RNF150: variants seen among roughly 807,000 people sequenced by gnomAD.
RNF150 encodes ring finger protein 150.
Under a neutral mutation model 39.3 loss-of-function variants are expected in RNF150, and 24 were observed. The observed-to-expected ratio is 0.61, with a 90% CI of 0.44 to 0.86. RNF150 has a LOEUF of 0.86. Ranked by LOEUF, RNF150 falls within the 40% of genes least tolerant of loss-of-function variation. The pLI, the probability that RNF150 is intolerant of heterozygous loss-of-function variation, is 0.00. For missense variants in RNF150, 502 were observed against 587.8 expected (o/e 0.85, Z 1.51); for synonymous variants, 255 against 227.3 (o/e 1.12, Z -1.10).
chr4:140,919,687 C>G (rs72615905), intron 5 of RNF150, among the ~76,000 whole-genome samples: 1 of 150,558 alleles, frequency 6.6e-6, no homozygotes, highest in Non-Finnish European at 1.5e-5. Context: ...AAAAAACTAC[C>G]TTAAAGTTCA....
At chr4:140,875,112 C>CA (rs1729102297) in intron 6 of RNF150, among the ~76,000 whole-genome samples, 1 of 150,704 alleles carries the variant, frequency 6.6e-6, no homozygotes, top group East Asian at 2.0e-4. Context: ...AAACAGAATT[C>CA]AAATCCTGGT....
In RNF150 at chr4:140,862,470, C is replaced by T. The variant is rs1728529121; in HGVS notation, c.*5791G>A. ...AACAAGCAGGATTGCAATCAAATTG[C>T]TCGATATTAAGGGGCCACGTCTAGC... On this transcript the variant is annotated 3_prime_UTR_variant, in exon 7 of 7. Coordinates refer to ENST00000515673, the MANE Select transcript of RNF150 (RefSeq NM_020724.2). The T allele has an allele frequency of 6.6e-6, 1 of 152,140 alleles. No homozygotes were observed. Among genetic ancestry groups the T allele is most frequent in the South Asian group, 2.1e-4 (1 of 4,810 alleles). The allele number at this position is 152,140 out of a possible 1,614,324, so 9.4% of individuals were successfully genotyped here. A position where few individuals can be genotyped will look rare whatever the true frequency, so the allele number is the denominator to read the frequency against.
At chr4:141,090,253 T>G (rs914338333) in intron 1 of RNF150, among the ~76,000 whole-genome samples, 1 of 152,218 alleles carries the variant, frequency 6.6e-6, no homozygotes, top group African/African-American at 2.4e-5. Context: ...TAAAATTCTA[T>G]GCTTCATTTT....
intron 1 of RNF150, among the ~76,000 whole-genome samples, chr4:141,167,884 C>G (rs1446757521): frequency 6.6e-6 from 1 of 152,102 alleles, no homozygotes; most frequent in Non-Finnish European, 1.5e-5. Context: ...TAGGCATGGG[C>G]AAAGACTTCA....
At chr4:141,109,425 T>C (rs1238922785) in intron 1 of RNF150, among the ~76,000 whole-genome samples, 1 of 151,798 alleles carries the variant, frequency 6.6e-6, no homozygotes, top group Non-Finnish European at 1.5e-5. Flanking sequence ...TCATTTTAAG[T>C]ATAATGGGCA....
chr4:141,099,608 C>A (rs1343507013), intron 1 of RNF150, among the ~76,000 whole-genome samples: 2 of 152,034 alleles, frequency 1.3e-5, no homozygotes, highest in East Asian at 3.9e-4. Flanking sequence ...GAAAGTTTCT[C>A]CTGCTGAGAA....
At chr4:141,211,909 G>C (rs947874424) in intron 1 of RNF150, among the ~76,000 whole-genome samples, 7 of 151,962 alleles carry the variant, frequency 4.6e-5, no homozygotes, top group Non-Finnish European at 1.0e-4. Flanking sequence ...CTAAAGTGAA[G>C]GAAAGAATTT....
intron 1 of RNF150, among the ~76,000 whole-genome samples, chr4:141,119,650 C>T (rs1726547755): frequency 6.6e-6 from 1 of 152,214 alleles, no homozygotes; most frequent in Admixed American, 6.5e-5. Flanking sequence ...TTTAGAAACA[C>T]TGGCGTGATA....
chr4:141,082,001 C>T (rs1738167055), intron 1 of RNF150, among the ~76,000 whole-genome samples: 1 of 152,236 alleles, frequency 6.6e-6, no homozygotes, highest in South Asian at 2.1e-4. Context: ...AGTATAATTA[C>T]GTGTTTGTAT....
chr4:140,952,966 G>C (rs1401899121), intron 2 of RNF150, among the ~76,000 whole-genome samples: 16 of 152,182 alleles, frequency 1.1e-4, no homozygotes, highest in Non-Finnish European at 4.4e-5. Context: ...AGGCTCTATG[G>C]TATAGCCTAT....
intron 1 of RNF150, among the ~76,000 whole-genome samples, chr4:141,062,222 T>C (rs28548634): frequency 0.27 from 40,638 of 152,030 alleles, 5,824 homozygotes; most frequent in South Asian, 0.52. Flanking sequence ...ATGCATGAAA[T>C]TATTACTCTT....
intron 1 of RNF150, among the ~76,000 whole-genome samples, chr4:141,085,741 C>T (rs1738339398): frequency 6.6e-6 from 1 of 152,120 alleles, no homozygotes. Context: ...GAACAGACAC[C>T]TATGGTGAGA....
At chr4:141,212,012 G>A (rs757064248) in intron 1 of RNF150, among the ~76,000 whole-genome samples, 7 of 152,104 alleles carry the variant, frequency 4.6e-5, no homozygotes, top group Non-Finnish European at 1.0e-4. Flanking sequence ...AGGCTTCACG[G>A]GATAACCTTG....
chr4:140,984,557 T>G (rs1260076663), intron 1 of RNF150, among the ~76,000 whole-genome samples: 1 of 152,178 alleles, frequency 6.6e-6, no homozygotes, highest in Non-Finnish European at 1.5e-5. Flanking sequence ...GTCCTTTGTT[T>G]GATACAGTCT....
At position 140,863,666 on chromosome 4, in the gene RNF150, GCAGT is replaced by G. The variant is rs1728578776; in HGVS notation, c.*4591_*4594del. The G allele has an allele frequency of 6.6e-6, 1 of 152,128 alleles. No homozygotes were observed. The highest frequency in any genetic ancestry group is 2.1e-4 in the South Asian group (1 of 4,832). The allele number at this position is 152,128 out of a possible 1,614,324, so 9.4% of individuals were successfully genotyped here. Reference sequence around the variant, plus strand: ...TATGGGTATACAAAGTAAGATATAGGCAGTCAGAGAAAAACAGATACAGACAGAA... The same window carrying G: ...TATGGGTATACAAAGTAAGATATAGGCAGAGAAAAACAGATACAGACAGAA... On this transcript the variant is annotated 3_prime_UTR_variant, in exon 7 of 7. Coordinates refer to ENST00000515673, the MANE Select transcript of RNF150 (RefSeq NM_020724.2).
chr4:141,039,194 C>T (rs1406246347), intron 1 of RNF150, among the ~76,000 whole-genome samples: 1 of 152,140 alleles, frequency 6.6e-6, no homozygotes, highest in Non-Finnish European at 1.5e-5. Flanking sequence ...ATTTACGAGC[C>T]TCTTTCATGA....
At chr4:140,937,563 A>C (rs1420629715) in intron 4 of RNF150, among the ~76,000 whole-genome samples, 3 of 152,294 alleles carry the variant, frequency 2.0e-5, no homozygotes, top group Non-Finnish European at 2.9e-5. Flanking sequence ...ATCCAGCCAA[A>C]AAATTTAAAA....
intron 1 of RNF150, among the ~76,000 whole-genome samples, chr4:141,065,186 C>A (rs1028879100): frequency 3.7e-4 from 57 of 152,154 alleles, no homozygotes; most frequent in African/African-American, 1.4e-3. Context: ...TAAATAAGTT[C>A]TAAGCATGCC....
intron 6 of RNF150, among the ~76,000 whole-genome samples, chr4:140,899,974 C>CTCTCTCTCTCTG (rs1365683071): frequency 7.2e-5 from 5 of 69,218 alleles, no homozygotes; most frequent in African/African-American, 1.7e-4. Flanking sequence ...CTCTCTCTCT[C>CTCTCTCTCTCTG]TGTGTGTGTG....
Sources: gnomAD v4.1 joint callset for allele counts (sites outside exome capture counted in the v4.1 genomes callset) on GRCh38, gnomAD v4.1.1 for gene constraint, MANE v1.5 for transcripts, NCBI Gene and HGNC (gene_info 2026-07-23, HGNC 2026-07-21) for gene names.